Variants in KLF12 observed in about 807,000 individuals in gnomAD.
KLF12 encodes Krueppel-like factor 12.
Under a neutral mutation model 37.8 loss-of-function variants are expected in KLF12, and 9 were observed. The ratio of observed to expected loss-of-function variants is 0.24; its 90% CI spans 0.14 to 0.42. The LOEUF (loss-of-function observed/expected upper bound fraction) is 0.42, where lower values mean the gene tolerates loss of function less well. KLF12 is among the 10% of genes least tolerant of loss of function. KLF12 has a pLI of 1.00. For missense variants in KLF12, 411 were observed against 516.0 expected, an observed-to-expected ratio of 0.80 and a Z score of 1.97; for synonymous variants, 208 against 202.1, an observed-to-expected ratio of 1.03 and a Z score of -0.25.
the KLF12 span, chr13:74,259,683 CT>C: frequency 3.9e-5 from 6 of 152,104 alleles, no homozygotes; most frequent in Non-Finnish European, 7.4e-5. Flanking sequence ...CACTTCTTTC[CT>C]TTTATCTACT....
chr13:74,300,107 TA>T, the KLF12 span, among the ~76,000 whole-genome samples: 1 of 152,098 alleles, frequency 6.6e-6, no homozygotes, highest in Admixed American at 6.6e-5. Context: ...TGGGCATCTT[TA>T]AAAAAATTCA....
intron 1 of KLF12, among the ~76,000 whole-genome samples, chr13:74,031,810 G>C (rs1208250526): frequency 6.7e-6 from 1 of 148,586 alleles, no homozygotes; most frequent in Non-Finnish European, 1.5e-5. Flanking sequence ...GAAAAAAAAT[G>C]TGCTTCTCAA....
chr13:74,125,854 A>T (rs1392986163), intron 1 of KLF12, among the ~76,000 whole-genome samples: 1 of 152,176 alleles, frequency 6.6e-6, no homozygotes, highest in Admixed American at 6.5e-5. Flanking sequence ...CTTTTGCTTT[A>T]TTCTACAGTA....
chr13:73,906,757 T>C (rs1593706351), intron 3 of KLF12, among the ~76,000 whole-genome samples: 3 of 152,334 alleles, frequency 2.0e-5, no homozygotes, highest in Admixed American at 2.0e-4. Flanking sequence ...GATCTTAGTC[T>C]GTTAAAATCC....
chr13:73,831,005 C>CAT (rs1167820980), intron 4 of KLF12, among the ~76,000 whole-genome samples: 3 of 104,584 alleles, frequency 2.9e-5, no homozygotes, highest in Admixed American at 9.7e-5. Flanking sequence ...CACACACACA[C>CAT]ACACACACAC....
intron 6 of KLF12, among the ~76,000 whole-genome samples, chr13:73,726,570 G>T (rs1307105837): frequency 2.0e-5 from 3 of 152,138 alleles, no homozygotes; most frequent in Non-Finnish European, 4.4e-5. Flanking sequence ...TGAGCATAAA[G>T]TCATCAGGGC....
intron 4 of KLF12, among the ~76,000 whole-genome samples, chr13:73,825,626 A>G (rs779704586): frequency 2.0e-5 from 3 of 152,242 alleles, no homozygotes; most frequent in Admixed American, 6.5e-5. Context: ...GATAAATTGC[A>G]TGGTGCTTGA....
chr13:73,782,743 T>TG (rs1881044511), intron 5 of KLF12, among the ~76,000 whole-genome samples: 1 of 152,230 alleles, frequency 6.6e-6, no homozygotes, highest in Admixed American at 6.5e-5. Flanking sequence ...CTTTAGTTTC[T>TG]TTTTAGTTTT....
the KLF12 span, among the ~76,000 whole-genome samples, chr13:74,246,994 A>G: frequency 6.6e-6 from 1 of 152,228 alleles, no homozygotes; most frequent in Non-Finnish European, 1.5e-5. Context: ...TGATCATAAT[A>G]TAGACATCAG....
rs775162670 is a variant in KLF12, at chr13:73,944,002, C to T, written c.102G>A (p.Glu34=). 58 of 1,612,140 alleles carry T rather than the reference C, an allele frequency of 3.6e-5. 1 individual carries two copies. Among genetic ancestry groups the T allele is most frequent in the Non-Finnish European group, 1.7e-6 (2 of 1,178,684 alleles). Reference sequence around the variant, plus strand: ...TTACCCCTTGTTCAGATTCCAAAAGCTCTGTTTTGACTCTGACTGCCGGCA... The same window carrying T: ...TTACCCCTTGTTCAGATTCCAAAAGTTCTGTTTTGACTCTGACTGCCGGCA... Residue 34 remains glutamate (E), a synonymous_variant, in exon 3 of 8, where the codon GAG becomes GAA. Coordinates refer to ENST00000377669, the MANE Select transcript of KLF12 (RefSeq NM_007249.5).
chr13:74,033,117 T>G (rs1893156894), intron 1 of KLF12, among the ~76,000 whole-genome samples: 1 of 152,224 alleles, frequency 6.6e-6, no homozygotes, highest in Admixed American at 6.5e-5. Flanking sequence ...AAACCAGTGC[T>G]GCCTGCCCTT....
intron 7 of KLF12, among the ~76,000 whole-genome samples, chr13:73,697,775 A>G (rs1874252935): frequency 6.6e-6 from 1 of 152,110 alleles, no homozygotes; most frequent in Non-Finnish European, 1.5e-5. Context: ...AAAGAAAACA[A>G]TAAAATTTCA....
At chr13:74,074,399 TC>T (rs1874448381) in intron 1 of KLF12, among the ~76,000 whole-genome samples, 1 of 152,174 alleles carries the variant, frequency 6.6e-6, no homozygotes, top group African/African-American at 2.4e-5. Flanking sequence ...GCAGAAGGTC[TC>T]CTGGGACAGC....
Position 74,065,226 on chromosome 13 carries a change from G to GTATATA in KLF12, c.-32+68507_-32+68512dup, listed in dbSNP as rs71199832. 1.1e-3 allele frequency among the ~76,000 whole-genome samples: 160 copies of GTATATA among 149,756 alleles called. 2 individuals carry two copies. The South Asian group carries it at 0.012, about 11-fold the overall frequency. ...TACACACACACACACACACACACAT[G>GTATATA]TATATATATATATACACACTGTATA... On this transcript the variant is annotated intron_variant, in intron 1 of 7. Coordinates refer to ENST00000377669, the MANE Select transcript of KLF12 (RefSeq NM_007249.5).
intron 4 of KLF12, among the ~76,000 whole-genome samples, chr13:73,837,616 T>C (rs1884507629): frequency 6.6e-6 from 1 of 152,214 alleles, no homozygotes; most frequent in African/African-American, 2.4e-5. Flanking sequence ...CTCCTATCTT[T>C]GTTTTGCCAT....
the KLF12 span, among the ~76,000 whole-genome samples, chr13:74,234,097 G>A: frequency 2.4e-4 from 36 of 152,048 alleles, no homozygotes; most frequent in Non-Finnish European, 3.7e-4. Flanking sequence ...GGTAGGGAGG[G>A]GATAGATGGG....
chr13:73,805,682 AAGGAAGGAAG>A (rs1882565099), intron 5 of KLF12, among the ~76,000 whole-genome samples: 3 of 132,478 alleles, frequency 2.3e-5, no homozygotes, highest in Admixed American at 2.2e-4. Context: ...GGAAGGAAGG[AAGGAAGGAAG>A]GAAGGAAGGA....
intron 2 of KLF12, among the ~76,000 whole-genome samples, chr13:73,955,144 A>G (rs1288365562): frequency 2.6e-5 from 4 of 152,186 alleles, no homozygotes; most frequent in Non-Finnish European, 5.9e-5. Context: ...ACTGCTTAGC[A>G]CATAATGTCT....
chr13:73,722,404 T>C lies in KLF12; in HGVS notation c.870-6879A>G, dbSNP rs76256538. 3.7e-3 allele frequency among the ~76,000 whole-genome samples: 566 copies of C among 152,340 alleles called. 2 individuals are homozygous for C. Among genetic ancestry groups the C allele is most frequent in the African/African-American group, 0.013 (544 of 41,570 alleles). On this transcript the variant is annotated intron_variant, in intron 6 of 7. Coordinates refer to ENST00000377669, the MANE Select transcript of KLF12 (RefSeq NM_007249.5). ...CAGGAATCTTCATATTTATCTTCCA[T>C]ACTACAACAGACTCTAGTGCCTGTC...
Sources: allele counts gnomAD v4.1 joint callset (sites outside exome capture counted in the v4.1 genomes callset), GRCh38; gene constraint gnomAD v4.1.1; transcripts MANE v1.5; gene names NCBI Gene and HGNC (gene_info 2026-07-23, HGNC 2026-07-21).